OSBPL9: variants seen among roughly 807,000 people sequenced by gnomAD.
OSBPL9 encodes the protein oxysterol binding protein like 9.
In OSBPL9, 40 loss-of-function variants were observed where a neutral mutation model predicts 106.6. That is an observed-to-expected ratio of 0.38 (90% CI 0.29 to 0.49). The LOEUF (loss-of-function observed/expected upper bound fraction) is 0.49. Among genes scored for constraint, OSBPL9 ranks in the 20% least tolerant of loss-of-function variants. The pLI, the probability that OSBPL9 is intolerant of heterozygous loss-of-function variation, is 0.97. For synonymous variants in OSBPL9, 269 were observed against 295.4 expected, an observed-to-expected ratio of 0.91 and a Z score of 0.92; for missense variants, 609 against 887.2, an observed-to-expected ratio of 0.69 and a Z score of 3.98.
chr1:51,740,293 C>G, intron 4 of OSBPL9: 4 of 1,373,074 alleles, frequency 2.9e-6, no homozygotes, highest in Non-Finnish European at 3.8e-6. Context: ...TCTCAAATTG[C>G]TAATTGTGAA....
chr1:51,540,633 G>GCAA, the OSBPL9 span, among the ~76,000 whole-genome samples: 1 of 137,150 alleles, frequency 7.3e-6, no homozygotes, highest in Non-Finnish European at 1.6e-5. Context: ...CAGCCTGGCC[G>GCAA]CAGAGCAAGA....
chr1:51,610,631 C>A (rs946560735), intron 2 of OSBPL9, among the ~76,000 whole-genome samples: 2 of 152,196 alleles, frequency 1.3e-5, no homozygotes, highest in Non-Finnish European at 2.9e-5. Context: ...CCTTGACTAT[C>A]ATTTATTCAA....
At chr1:51,653,469 C>G (rs1271456709) in intron 2 of OSBPL9, among the ~76,000 whole-genome samples, 1 of 152,084 alleles carries the variant, frequency 6.6e-6, no homozygotes, top group African/African-American at 2.4e-5. Context: ...TTAAATGTAG[C>G]TTAATTAATT....
chr1:51,676,662 A>G (rs1651303727), intron 3 of OSBPL9, among the ~76,000 whole-genome samples: 1 of 151,518 alleles, frequency 6.6e-6, no homozygotes, highest in Admixed American at 6.6e-5. Flanking sequence ...CCATCTAAAA[A>G]AAAAAAAAAA....
At chr1:51,762,579 C>G (rs935729405) in intron 11 of OSBPL9, among the ~76,000 whole-genome samples, 3 of 152,206 alleles carry the variant, frequency 2.0e-5, no homozygotes, top group Non-Finnish European at 4.4e-5. Context: ...TGCATACTTT[C>G]TTATTATGAA....
At chr1:51,621,011 A>G (rs1173167498) in intron 1 of OSBPL9, among the ~76,000 whole-genome samples, 1 of 152,170 alleles carries the variant, frequency 6.6e-6, no homozygotes, top group East Asian at 1.9e-4. Context: ...TACAGGCGTG[A>G]GCCCCTGTGC....
chr1:51,544,656 T>G, the OSBPL9 span, among the ~76,000 whole-genome samples: 1 of 151,946 alleles, frequency 6.6e-6, no homozygotes, highest in Non-Finnish European at 1.5e-5. Flanking sequence ...CAGCAGAAGA[T>G]AATTCAGCCT....
upstream of OSBPL9, among the ~76,000 whole-genome samples, chr1:51,612,161 A>G (rs1327605103): frequency 2.6e-5 from 4 of 152,326 alleles, no homozygotes; most frequent in Admixed American, 6.5e-5. Context: ...ACAGAATAGT[A>G]TCTTTCCTAT....
chr1:51,785,933 A>C, intron 21 of OSBPL9, 47 bp downstream of exon 21: 1 of 1,469,586 alleles, frequency 6.8e-7, no homozygotes, highest in Non-Finnish European at 9.4e-7. Flanking sequence ...ATTAGATTGT[A>C]CTCTATCCCT....
rs1451101010 is a variant in OSBPL9 at position 51,729,230 on chromosome 1, ATAG to A, written c.318+15154_318+15156del. On this transcript the variant is annotated intron_variant, in intron 4 of 23. Coordinates refer to ENST00000428468, the MANE Select transcript of OSBPL9 (RefSeq NM_024586.6). This position sits in a 1 kb window ranked among gnomAD's most constrained non-coding sequence, Gnocchi z 5.1. ...GGCGCTCACGCTTTTGTTTACCGAT[ATAG>A]TATCTCCTCCTCCCCTCACTCCATC... 2.0e-5 allele frequency: 3 copies of A among 152,216 alleles called. No individual in the cohort carries two copies. Among genetic ancestry groups the A allele is most frequent in the African/African-American group, 7.2e-5 (3 of 41,388 alleles). 9.4% of individuals were successfully genotyped at this position (152,216 alleles called of 1,614,324 possible). A position where few individuals can be genotyped will look rare whatever the true frequency, so the allele number is the denominator to read the frequency against.
chr1:51,573,533 AGGCC>A (rs1645165114), upstream of OSBPL9, among the ~76,000 whole-genome samples: 1 of 147,862 alleles, frequency 6.8e-6, no homozygotes, highest in African/African-American at 2.5e-5. Flanking sequence ...AAAAAAAAAA[AGGCC>A]AGGCACGGTG....
intron 21 of OSBPL9, 78 bp downstream of exon 21, chr1:51,785,964 G>A: frequency 8.4e-7 from 1 of 1,193,206 alleles, no homozygotes; most frequent in Non-Finnish European, 1.2e-6. Context: ...TCCTTCATTA[G>A]TACTTCCTTC....
intron 12 of OSBPL9, among the ~76,000 whole-genome samples, chr1:51,769,536 G>C (rs540356557): frequency 6.6e-6 from 1 of 152,162 alleles, no homozygotes; most frequent in Non-Finnish European, 1.5e-5. Flanking sequence ...TAGACATACC[G>C]TGTATGGTGC....
upstream of OSBPL9, among the ~76,000 whole-genome samples, chr1:51,576,284 G>A (rs75010845): frequency 9.9e-3 from 1,509 of 152,272 alleles, 18 homozygotes; most frequent in African/African-American, 0.035. Context: ...CCTCCTGAGG[G>A]AGGGGCCTCA....
chr1:51,677,614 C>A (rs1386404984), intron 3 of OSBPL9, among the ~76,000 whole-genome samples: 1 of 151,694 alleles, frequency 6.6e-6, no homozygotes, highest in Non-Finnish European at 1.5e-5. Context: ...TGCAGTGGCA[C>A]AACAACAGCT....
chr1:51,658,989 C>T (rs1243000141), intron 2 of OSBPL9, among the ~76,000 whole-genome samples: 2 of 152,040 alleles, frequency 1.3e-5, no homozygotes, highest in East Asian at 3.8e-4. Flanking sequence ...AAGATGTAAA[C>T]ATCTATTTAA....
chr1:51,570,720 C>T, the OSBPL9 span, among the ~76,000 whole-genome samples: 38 of 152,328 alleles, frequency 2.5e-4, no homozygotes, highest in East Asian at 6.0e-3. Flanking sequence ...TTATTCCTAT[C>T]TCATAGGATT....
At chr1:51,542,604 G>A in the OSBPL9 span, among the ~76,000 whole-genome samples, 1 of 152,196 alleles carries the variant, frequency 6.6e-6, no homozygotes, top group East Asian at 1.9e-4. Context: ...AGAATTTATG[G>A]AATAATTACC....
intron 2 of OSBPL9, among the ~76,000 whole-genome samples, chr1:51,661,417 T>C (rs1403129553): frequency 6.6e-6 from 1 of 152,092 alleles, no homozygotes; most frequent in Non-Finnish European, 1.5e-5. Flanking sequence ...TCTGTGTGTA[T>C]AGAAAAAAAA....
Sources: allele counts gnomAD v4.1 joint callset (sites outside exome capture counted in the v4.1 genomes callset), GRCh38; gene constraint gnomAD v4.1.1; non-coding constraint Gnocchi (gnomAD v3.1); transcripts MANE v1.5; gene names NCBI Gene and HGNC (gene_info 2026-07-23, HGNC 2026-07-21).